The following PDE1C variants were observed in gnomAD, a reference collection of about 807,000 sequenced individuals.
The protein encoded by PDE1C is phosphodiesterase 1C, also known as dual specificity calcium/calmodulin-dependent 3',5'-cyclic nucleotide phosphodiesterase 1C.
Under a neutral mutation model 93.1 loss-of-function variants are expected in PDE1C, and 62 were observed. The ratio of observed to expected loss-of-function variants is 0.67; its 90% CI spans 0.54 to 0.82. The LOEUF (loss-of-function observed/expected upper bound fraction) is 0.82, where lower values mean the gene tolerates loss of function less well. Ranked by LOEUF, PDE1C falls within the 40% of genes least tolerant of loss-of-function variation. The pLI, the probability that PDE1C is intolerant of heterozygous loss-of-function variation, is 0.00. For synonymous variants in PDE1C, 325 were observed against 310.1 expected, an observed-to-expected ratio of 1.05 and a Z score of -0.50; for missense variants, 742 against 884.6, an observed-to-expected ratio of 0.84 and a Z score of 2.04.
chr7:31,915,266 G>A (rs1488808142), intron 2 of PDE1C, among the ~76,000 whole-genome samples: 2 of 152,074 alleles, frequency 1.3e-5, no homozygotes, highest in Non-Finnish European at 2.9e-5. Context: ...CTGCCTAATA[G>A]CCCAACCTAA....
In PDE1C at chr7:31,875,706, C is replaced by T. The variant is rs180867805; in HGVS notation, c.492+2264G>A. On this transcript the variant is annotated intron_variant, in intron 5 of 17. Transcript: ENST00000396191. ...ACTTCCTGAGTCACAAAACAGATGC[C>T]CTTCTAAAGAAGAGCACACAGCTAC... is the stretch of plus-strand genomic sequence containing the variant. 8.4e-3 allele frequency among the ~76,000 whole-genome samples: 1,240 copies of T among 147,038 alleles called. 7 individuals carry two copies. The highest frequency in any genetic ancestry group is 0.013 in the Non-Finnish European group (842 of 67,132).
intron 1 of PDE1C, among the ~76,000 whole-genome samples, chr7:32,374,243 A>AG (rs1412508098): frequency 2.8e-4 from 35 of 124,656 alleles, no homozygotes; most frequent in African/African-American, 9.2e-4. Flanking sequence ...AGAAAGAAGG[A>AG]AGGAAAGGAA....
Position 32,128,938 on chromosome 7 carries a change from TATATATATATATATAA to T in PDE1C, c.308+40831_308+40846del, listed in dbSNP as rs1472335534. 1.3e-3 allele frequency among the ~76,000 whole-genome samples: 123 copies of T among 96,368 alleles called. 4 individuals are homozygous for T. The highest frequency in any genetic ancestry group is 4.9e-3 in the African/African-American group (115 of 23,554). The allele number at this position is 96,368 out of a possible 152,430, so 63.2% of individuals were successfully genotyped here. A position where few individuals can be genotyped will look rare whatever the true frequency, so the allele number is the denominator to read the frequency against. On this transcript the variant is annotated intron_variant, in intron 3 of 18. Transcript: ENST00000396193. Reference sequence around the variant, plus strand: ...ATATATATATATATATATATATATATATATATATATATATAAAGAAAAATCTAAAAAAAACAGAAAA... The same window carrying T: ...ATATATATATATATATATATATATATAGAAAAATCTAAAAAAAACAGAAAA...
At chr7:32,109,985 T>A (rs1042424078) in intron 3 of PDE1C, among the ~76,000 whole-genome samples, 1 of 152,104 alleles carries the variant, frequency 6.6e-6, no homozygotes, top group African/African-American at 2.4e-5. Flanking sequence ...ATGTTCAACT[T>A]AGATATATTT....
intron 3 of PDE1C, among the ~76,000 whole-genome samples, chr7:32,105,983 C>A (rs1203323602): frequency 6.6e-6 from 1 of 152,062 alleles, no homozygotes; most frequent in Non-Finnish European, 1.5e-5. Flanking sequence ...ATGTATACAG[C>A]TTACAACTGG....
chr7:32,062,623 C>G (rs1794943922), intron 1 of PDE1C, among the ~76,000 whole-genome samples: 1 of 152,204 alleles, frequency 6.6e-6, no homozygotes, highest in African/African-American at 2.4e-5. Context: ...GTCCTCTCTT[C>G]TATGTTTTCA....
intron 2 of PDE1C, among the ~76,000 whole-genome samples, chr7:32,044,409 AG>A (rs1378955340): frequency 2.6e-5 from 4 of 152,194 alleles, no homozygotes; most frequent in Admixed American, 2.0e-4. Context: ...AAGCAAGTGT[AG>A]GCAGCCTTAA....
chr7:32,259,924 A>G (rs1181851237), intron 1 of PDE1C, among the ~76,000 whole-genome samples: 1 of 152,176 alleles, frequency 6.6e-6, no homozygotes, highest in Non-Finnish European at 1.5e-5. Context: ...AACACCCGGC[A>G]CAAACCTGCA....
At chr7:31,747,925 A>G (rs117431424), downstream of PDE1C, among the ~76,000 whole-genome samples, 214 of 151,764 alleles carry the variant, frequency 1.4e-3, 4 homozygotes, top group East Asian at 0.038. Flanking sequence ...GCAAGAAAGG[A>G]TTATAAAAAC....
chr7:32,073,763 G>T (rs1261854780), upstream of PDE1C, among the ~76,000 whole-genome samples: 1 of 152,174 alleles, frequency 6.6e-6, no homozygotes, highest in East Asian at 1.9e-4. Flanking sequence ...AAGTATGCTT[G>T]ATAGTTGCAG....
intron 7 of PDE1C, among the ~76,000 whole-genome samples, chr7:31,855,613 T>A (rs1448469313): frequency 6.6e-6 from 1 of 151,674 alleles, no homozygotes; most frequent in Non-Finnish European, 1.5e-5. Context: ...ATATCCTTAG[T>A]CTTTCCTGTT....
intron 1 of PDE1C, among the ~76,000 whole-genome samples, chr7:32,414,127 T>C (rs905583425): frequency 6.6e-6 from 1 of 151,682 alleles, no homozygotes; most frequent in Non-Finnish European, 1.5e-5. Flanking sequence ...GCAGGAGGAT[T>C]GCTTGAGTCC....
chr7:32,381,559 A>G lies in PDE1C; in HGVS notation c.310+46263T>C, dbSNP rs188937329. Among the ~76,000 whole-genome samples the G allele has an allele frequency of 1.2e-4, 18 of 152,214 alleles. No individual in the cohort carries two copies. In the East Asian group the frequency reaches 3.5e-3, roughly 29 times the overall value. ...CTCCTTACTGCTCTCTGAAAGCCCAAGCATACTTCTACCTCAGGGCCTCAA... is the reference window on the plus strand; with the variant it reads ...CTCCTTACTGCTCTCTGAAAGCCCAGGCATACTTCTACCTCAGGGCCTCAA... On this transcript the variant is annotated intron_variant, in intron 1 of 1. Transcript: ENST00000672256.
chr7:32,222,545 T>C (rs976591739), intron 1 of PDE1C, among the ~76,000 whole-genome samples: 2 of 152,206 alleles, frequency 1.3e-5, no homozygotes, highest in African/African-American at 4.8e-5. Context: ...AAGGACTTGA[T>C]GTTAGCTTGG....
At chr7:32,322,563 C>T (rs962358655) in intron 1 of PDE1C, among the ~76,000 whole-genome samples, 49 of 152,218 alleles carry the variant, frequency 3.2e-4, no homozygotes, top group African/African-American at 3.9e-4. Flanking sequence ...ATGATCACAC[C>T]GCTGCACTCC....
intron 3 of PDE1C, among the ~76,000 whole-genome samples, chr7:32,146,174 C>G (rs1800822653): frequency 6.6e-6 from 1 of 152,170 alleles, no homozygotes; most frequent in South Asian, 2.1e-4. Flanking sequence ...GCCTGAAACT[C>G]TGCATTTCTG....
intron 1 of PDE1C, among the ~76,000 whole-genome samples, chr7:32,286,767 T>C (rs1035010153): frequency 1.6e-4 from 24 of 152,214 alleles, no homozygotes; most frequent in African/African-American, 5.5e-4. Flanking sequence ...TGCAATAGAA[T>C]AGTATGTGGA....
chr7:31,957,554 G>A (rs1254683648), intron 2 of PDE1C, among the ~76,000 whole-genome samples: 2 of 152,084 alleles, frequency 1.3e-5, no homozygotes, highest in Non-Finnish European at 2.9e-5. Flanking sequence ...TGTCATCACT[G>A]GCAAACTTAG....
At chr7:31,873,601 A>C (rs1796200753) in intron 5 of PDE1C, among the ~76,000 whole-genome samples, 193 bp from the exon 6 acceptor site, 1 of 152,228 alleles carries the variant, frequency 6.6e-6, no homozygotes. Flanking sequence ...AAAATTAAAT[A>C]GTCTTATTAC....
Sources: allele counts gnomAD v4.1 joint callset (sites outside exome capture counted in the v4.1 genomes callset), GRCh38; gene constraint gnomAD v4.1.1; transcripts MANE v1.5; gene names NCBI Gene and HGNC (gene_info 2026-07-23, HGNC 2026-07-21).